Variants in NAP1L1 observed in about 807,000 individuals in gnomAD.
The protein encoded by NAP1L1 is nucleosome assembly protein 1-like 1.
In NAP1L1, 9 loss-of-function variants were observed where a neutral mutation model predicts 58.9. That is an observed-to-expected ratio of 0.15 (90% CI 0.09 to 0.27). The LOEUF (loss-of-function observed/expected upper bound fraction) is 0.27. NAP1L1 is among the 10% of genes least tolerant of loss of function. The pLI is 1.00. For missense variants in NAP1L1, 302 were observed against 458.8 expected, an observed-to-expected ratio of 0.66 and a Z score of 3.12; for synonymous variants, 130 against 138.3, an observed-to-expected ratio of 0.94 and a Z score of 0.42.
At chr12:76,057,897 T>C in intron 6 of NAP1L1, 1 of 1,293,662 alleles carries the variant, frequency 7.7e-7, no homozygotes, top group Middle Eastern at 1.8e-4. Context: ...ATAGCCAAAA[T>C]TCCCAGAGCA....
rs1470521393 is a variant in NAP1L1, at chr12:76,040,339, T to C, written c.*8090A>G. ...CCCTTGACTTTAAAAAACAACTAAG[T>C]TGACTCTTGAATATCAAATTTGAAC... On this transcript the variant is annotated 3_prime_UTR_variant, in exon 15 of 15. Transcript: ENST00000618691. The C allele has an allele frequency of 1.3e-5, 2 of 152,104 alleles. No homozygotes were observed. Among genetic ancestry groups the C allele is most frequent in the African/African-American group, 4.8e-5 (2 of 41,398 alleles). 9.4% of individuals were successfully genotyped at this position (152,104 alleles called of 1,614,324 possible).
intron 2 of NAP1L1, among the ~76,000 whole-genome samples, chr12:76,073,185 G>T (rs1026773769): frequency 2.0e-5 from 3 of 151,854 alleles, no homozygotes; most frequent in Non-Finnish European, 2.9e-5. Flanking sequence ...GATAAAATGC[G>T]TAAGAGTGGC....
rs1949166318 is a variant in NAP1L1, at chr12:76,057,478, G to A, written c.430-1317C>T. Reference sequence around the variant, plus strand: ...GAAACGAGTTGCATTTGTCGGCTCAGCTGGCAACAGTGGCGGGAGCAGAGC... The same window carrying A: ...GAAACGAGTTGCATTTGTCGGCTCAACTGGCAACAGTGGCGGGAGCAGAGC... On this transcript the variant is annotated intron_variant, in intron 6 of 14. Transcript: ENST00000618691. 4 of 657,180 alleles carry A rather than the reference G, an allele frequency of 6.1e-6. No homozygotes were observed. In the East Asian group the frequency reaches 1.2e-4, roughly 19 times the overall value. The allele number at this position is 657,180 out of a possible 1,614,324, so 40.7% of individuals were successfully genotyped here. A position where few individuals can be genotyped will look rare whatever the true frequency, so the allele number is the denominator to read the frequency against.
In NAP1L1 at chr12:76,053,920, G is replaced by A. The variant is rs757440751; in HGVS notation, c.631-11C>T. ...TTCTAAGACAAAACTCTGGGGAGAG[G>A]AAGCATAAAAATCAGTTAAATACCT... On this transcript the variant is annotated splice_polypyrimidine_tract_variant and intron_variant, in intron 8 of 14. Transcript: ENST00000618691. 2.4e-5 allele frequency: 39 copies of A among 1,591,994 alleles called. No homozygotes were observed. Among genetic ancestry groups the A allele is most frequent in the Middle Eastern group, 1.7e-4 (1 of 6,010 alleles).
In NAP1L1 at chr12:76,039,212, C is replaced by T. The variant is rs1052648208; in HGVS notation, c.*9217G>A. On this transcript the variant is annotated 3_prime_UTR_variant, in exon 15 of 15. Coordinates refer to ENST00000618691, the MANE Select transcript of NAP1L1 (RefSeq NM_004537.7). ...ACCCAGCTCTATTTTATTTACTATCCTACTTTTAGCACTGTGAGCATAAAC... is the reference window on the plus strand; with the variant it reads ...ACCCAGCTCTATTTTATTTACTATCTTACTTTTAGCACTGTGAGCATAAAC... 4 of 152,180 alleles carry T rather than the reference C, an allele frequency of 2.6e-5. No individual in the cohort carries two copies. Among genetic ancestry groups the T allele is most frequent in the African/African-American group, 9.7e-5 (4 of 41,434 alleles). 9.4% of individuals were successfully genotyped at this position (152,180 alleles called of 1,614,324 possible).
chr12:76,054,305 C>T lies in NAP1L1; in HGVS notation c.631-396G>A, dbSNP rs148517033. ...TCGGCCTCCCAAAGTGCTGGGATTA[C>T]AGGTGTGAGCCACTGCACCCAGCCA... On this transcript the variant is annotated intron_variant, in intron 8 of 14. Coordinates refer to ENST00000618691, the MANE Select transcript of NAP1L1 (RefSeq NM_004537.7). Among the ~76,000 whole-genome samples the T allele has an allele frequency of 2.7e-3, 415 of 152,226 alleles. 3 individuals are homozygous for T. The highest frequency in any genetic ancestry group is 8.7e-3 in the African/African-American group (363 of 41,528).
Position 76,050,661 on chromosome 12 carries a change from T to C in NAP1L1, c.937-8A>G. On this transcript the variant is annotated splice_region_variant and splice_polypyrimidine_tract_variant and intron_variant, in intron 11 of 14. Coordinates refer to ENST00000618691, the MANE Select transcript of NAP1L1 (RefSeq NM_004537.7). The stretch of plus-strand genomic sequence containing the variant: ...AGCTTCAGCATCATCATCCTATTTT[T>C]AAAGGAAAACAAAAGCAGAAAATTT... The C allele has an allele frequency of 6.3e-7, 1 of 1,593,452 alleles. No homozygotes were observed. The highest frequency in any genetic ancestry group is 1.1e-5 in the South Asian group (1 of 87,070).
chr12:76,051,440 TC>T (rs2136963258), intron 11 of NAP1L1, among the ~76,000 whole-genome samples: 1 of 152,328 alleles, frequency 6.6e-6, no homozygotes, highest in East Asian at 1.9e-4. Context: ...ACTTTATAGT[TC>T]CTAAAAGACA....
chr12:76,063,857 A>G (rs1031896364), intron 4 of NAP1L1, among the ~76,000 whole-genome samples: 2 of 149,210 alleles, frequency 1.3e-5, no homozygotes, highest in Non-Finnish European at 3.0e-5. Flanking sequence ...AGATGGAAAA[A>G]AAAGACATAC....
In NAP1L1 at chr12:76,043,715, C is replaced by T. The variant is rs1948572612; in HGVS notation, c.*4714G>A. The T allele has an allele frequency of 6.6e-6, 1 of 152,126 alleles. No individual in the cohort carries two copies. The highest frequency in any genetic ancestry group is 2.1e-4 in the South Asian group (1 of 4,826). The allele number at this position is 152,126 out of a possible 1,614,324, so 9.4% of individuals were successfully genotyped here. A position where few individuals can be genotyped will look rare whatever the true frequency, so the allele number is the denominator to read the frequency against. ...GCCTGTATTTCCTCCTGTTCCTCCACCTGAACTGCTCACCGTTCAGAGGTT... is the reference window on the plus strand; with the variant it reads ...GCCTGTATTTCCTCCTGTTCCTCCATCTGAACTGCTCACCGTTCAGAGGTT... On this transcript the variant is annotated 3_prime_UTR_variant, in exon 15 of 15. Coordinates refer to ENST00000618691, the MANE Select transcript of NAP1L1 (RefSeq NM_004537.7).
At chr12:76,054,015 T>A (rs1005205866) in intron 8 of NAP1L1, 106 bp from the exon 9 acceptor site, 9 of 1,291,780 alleles carry the variant, frequency 7.0e-6, no homozygotes, top group African/African-American at 1.6e-5. Flanking sequence ...AATGATAATT[T>A]TTTTTTCTAC....
chr12:76,048,150 T>A lies in NAP1L1; in HGVS notation c.*279A>T. 5.0e-6 allele frequency: 2 copies of A among 402,816 alleles called. No individual in the cohort carries two copies. The highest frequency in any genetic ancestry group is 8.4e-5 in the Admixed American group (2 of 23,834). The allele number at this position is 402,816 out of a possible 1,614,324, so 25.0% of individuals were successfully genotyped here. A position where few individuals can be genotyped will look rare whatever the true frequency, so the allele number is the denominator to read the frequency against. On this transcript the variant is annotated 3_prime_UTR_variant, in exon 15 of 15. Transcript: ENST00000618691. ...TTTAACAGTTGTTAATTTTCATAGC[T>A]GTACTCCAAGAGCTACATAAAAATA...
At chr12:76,058,472 G>A (rs984390429) in intron 6 of NAP1L1, among the ~76,000 whole-genome samples, 2 of 149,078 alleles carry the variant, frequency 1.3e-5, no homozygotes, top group Admixed American at 1.3e-4. Context: ...CTGCAACCTC[G>A]ACTTCCCGAG....
At position 76,039,709 on chromosome 12, in the gene NAP1L1, C is replaced by G. The variant is rs1948532617; in HGVS notation, c.*8720G>C. 1 of 152,166 alleles carries G rather than the reference C, an allele frequency of 6.6e-6. No homozygotes were observed. Among genetic ancestry groups the G allele is most frequent in the Non-Finnish European group, 1.5e-5 (1 of 68,028 alleles). 9.4% of individuals were successfully genotyped at this position (152,166 alleles called of 1,614,324 possible). A position where few individuals can be genotyped will look rare whatever the true frequency, so the allele number is the denominator to read the frequency against. ...AGGGCCATCCAAATGCTGGCTCCAACACAACTCAACTGTGTCATTGTTAAA... is the reference window on the plus strand; with the variant it reads ...AGGGCCATCCAAATGCTGGCTCCAAGACAACTCAACTGTGTCATTGTTAAA... On this transcript the variant is annotated 3_prime_UTR_variant, in exon 15 of 15. Transcript: ENST00000618691.
intron 6 of NAP1L1, chr12:76,058,032 C>A: frequency 1.3e-6 from 1 of 790,006 alleles, no homozygotes; most frequent in African/African-American, 1.7e-5. Flanking sequence ...AATTATCATT[C>A]AAGGAGACTT....
rs562000082 is a variant in NAP1L1, at chr12:76,043,937, C to G, written c.*4492G>C. The G allele has an allele frequency of 6.6e-6, 1 of 152,288 alleles. No homozygotes were observed. The highest frequency in any genetic ancestry group is 2.4e-5 in the African/African-American group (1 of 41,564). The allele number at this position is 152,288 out of a possible 1,614,324, so 9.4% of individuals were successfully genotyped here. Reference sequence around the variant, plus strand: ...ATATGAGATCTGTCGACTTCTGGCACTCACGTTTAATCACACATTCCTAGT... The same window carrying G: ...ATATGAGATCTGTCGACTTCTGGCAGTCACGTTTAATCACACATTCCTAGT... On this transcript the variant is annotated 3_prime_UTR_variant, in exon 15 of 15. Transcript: ENST00000618691.
intron 7 of NAP1L1, 33 bp from the exon 8 acceptor site, chr12:76,055,123 C>T (rs1377071429): frequency 6.8e-7 from 1 of 1,464,212 alleles, no homozygotes; most frequent in Non-Finnish European, 9.4e-7. Flanking sequence ...AAATGAATAA[C>T]ATGGCATTCG....
At position 76,049,772 on chromosome 12, in the gene NAP1L1, CCTT is replaced by C. The variant is rs1565713524; in HGVS notation, c.1070_1072del (p.Glu357del). The C allele has an allele frequency of 1.9e-6, 3 of 1,612,904 alleles. No homozygotes were observed. The highest frequency in any genetic ancestry group is 1.7e-5 in the Admixed American group (1 of 59,882). On this transcript the variant is annotated inframe_deletion, in exon 13 of 15. Transcript: ENST00000618691. Reference sequence around the variant, plus strand: ...AAACATTACCTCATCCGCTTCTTCACCTTCTTCATCATACTGAAAAGGAAAAAC... The same window carrying C: ...AAACATTACCTCATCCGCTTCTTCACCTTCATCATACTGAAAAGGAAAAAC...
chr12:76,049,282 T>A (rs749196093), intron 13 of NAP1L1, 32 bp from the exon 14 acceptor site: 2 of 1,613,040 alleles, frequency 1.2e-6, no homozygotes, highest in African/African-American at 2.7e-5. Context: ...ATCCATGAAG[T>A]ATGTACATAG....
Sources: allele counts gnomAD v4.1 joint callset (sites outside exome capture counted in the v4.1 genomes callset), GRCh38; gene constraint gnomAD v4.1.1; transcripts MANE v1.5; gene names NCBI Gene and HGNC (gene_info 2026-07-23, HGNC 2026-07-21).